Variants in SRP19 observed in about 807,000 individuals in gnomAD.
SRP19 encodes the protein signal recognition particle 19 kDa protein.
Under a neutral mutation model 22.4 loss-of-function variants are expected in SRP19, and 11 were observed. The ratio of observed to expected loss-of-function variants is 0.49; its 90% CI spans 0.31 to 0.81. The LOEUF (loss-of-function observed/expected upper bound fraction) is 0.81, where lower values mean the gene tolerates loss of function less well. SRP19 is among the 40% of genes least tolerant of loss of function. The pLI is 0.05. For synonymous variants in SRP19, 61 were observed against 57.6 expected, an observed-to-expected ratio of 1.06 and a Z score of -0.27; for missense variants, 168 against 175.9, an observed-to-expected ratio of 0.96 and a Z score of 0.25.
downstream of SRP19, chr5:112,894,595 C>T (rs1353515394): frequency 6.6e-6 from 1 of 152,168 alleles, no homozygotes; most frequent in African/African-American, 2.4e-5. Context: ...TGCAGAGCAT[C>T]ACAGGGGATG....
chr5:112,892,712 C>T (rs759009328), exon 5 of SRP19: 6 of 1,614,098 alleles, frequency 3.7e-6, no homozygotes, highest in Non-Finnish European at 5.1e-6. Context: ...TCAGATCAGA[C>T]TGGCTCCTCC....
chr5:112,886,985 A>G (rs1230526224), intron 4 of SRP19: 2 of 1,537,626 alleles, frequency 1.3e-6, no homozygotes, highest in African/African-American at 2.7e-5. Flanking sequence ...CTCCTCTCAC[A>G]TGTGGGGCCA....
chr5:112,861,532 G>C, intron 1 of SRP19, 115 bp downstream of exon 1: 1 of 1,116,718 alleles, frequency 9.0e-7, no homozygotes, highest in Non-Finnish European at 1.3e-6. Context: ...GATCCAACTC[G>C]CTCTGTACGG....
chr5:112,886,430 A>C (rs960749110), intron 4 of SRP19, among the ~76,000 whole-genome samples: 1 of 152,196 alleles, frequency 6.6e-6, no homozygotes, highest in Non-Finnish European at 1.5e-5. Flanking sequence ...ATGGCTCTTT[A>C]TCATTTCTCC....
intron 4 of SRP19, chr5:112,878,539 T>C: frequency 2.0e-6 from 1 of 499,852 alleles, no homozygotes; most frequent in Non-Finnish European, 3.5e-6. Context: ...ATACATCTTT[T>C]CCTACCCAGA....
rs768086547 is a variant in SRP19 at position 112,864,519 on chromosome 5, A to C, written c.180A>C (p.Val60=). 44 of 1,613,928 alleles carry C rather than the reference A, an allele frequency of 2.7e-5. No individual in the cohort carries two copies. In the Admixed American group the frequency reaches 6.7e-4, roughly 24 times the overall value. The change falls in exon 3 of 5, where the codon GTA becomes GTC. Residue 60 remains valine, a synonymous_variant. Coordinates refer to ENST00000505459, the MANE Select transcript of SRP19 (RefSeq NM_003135.3). ...QDVCSAVGLN[V]FLEKNKMYSR... is the part of the protein sequence containing the mutation. ...TATGTTCAGCAGTTGGACTTAACGT[A>C]TTTCTTGAGGTATGACGTGGTTCTT...
downstream of SRP19, among the ~76,000 whole-genome samples, chr5:112,872,604 GGT>G (rs1252260384): frequency 6.6e-6 from 1 of 152,080 alleles, no homozygotes; most frequent in Non-Finnish European, 1.5e-5. Flanking sequence ...GCTGGGATTA[GGT>G]GTGAGCCATT....
chr5:112,891,531 A>C, intron 4 of SRP19: 1 of 1,463,452 alleles, frequency 6.8e-7, no homozygotes, highest in Non-Finnish European at 9.3e-7. Flanking sequence ...AATACTAGAA[A>C]ACATAAAATA....
Position 112,861,435 on chromosome 5 carries a change from G to A in SRP19, c.41+18G>A, listed in dbSNP as rs41296563. Reference sequence around the variant, plus strand: ...CAGGACAGGTGGGTTCTGAGGCGGTGGGTCCTCCGAAAGGAAGGGGCTTGC... The same window carrying A: ...CAGGACAGGTGGGTTCTGAGGCGGTAGGTCCTCCGAAAGGAAGGGGCTTGC... On this transcript the variant is annotated intron_variant, in intron 1 of 4. Coordinates refer to ENST00000505459, the MANE Select transcript of SRP19 (RefSeq NM_003135.3). The A allele has an allele frequency of 0.013, 20,261 of 1,610,524 alleles. 179 individuals are homozygous for A. The highest frequency in any genetic ancestry group is 0.021 in the Middle Eastern group (120 of 5,840).
At chr5:112,874,840 A>T (rs1767859293) in intron 4 of SRP19, among the ~76,000 whole-genome samples, 1 of 148,532 alleles carries the variant, frequency 6.7e-6, no homozygotes, top group Non-Finnish European at 1.5e-5. Context: ...AAATGGCGTG[A>T]TCTCGGCTCA....
downstream of SRP19, chr5:112,897,394 C>CAA: frequency 6.6e-6 from 1 of 150,512 alleles, no homozygotes; most frequent in Non-Finnish European, 1.5e-5. Flanking sequence ...CACACACACA[C>CAA]AAATGTAAAC....
intron 1 of SRP19, among the ~76,000 whole-genome samples, chr5:112,861,849 T>G (rs1026217854): frequency 3.9e-5 from 6 of 152,232 alleles, no homozygotes; most frequent in Non-Finnish European, 8.8e-5. Context: ...CTCTGTCTAA[T>G]GTAACAGTTA....
chr5:112,889,120 A>C (rs907817615), intron 4 of SRP19, among the ~76,000 whole-genome samples: 2 of 150,774 alleles, frequency 1.3e-5, no homozygotes, highest in African/African-American at 4.9e-5. Flanking sequence ...TGGAACTGTG[A>C]GTCAATTAAA....
At chr5:112,886,972 C>T in intron 4 of SRP19, 1 of 1,449,800 alleles carries the variant, frequency 6.9e-7, no homozygotes, top group South Asian at 1.3e-5. Flanking sequence ...CAGTGTGTCA[C>T]ATCTCCTCTC....
chr5:112,884,906 T>C (rs1768195081), intron 4 of SRP19, among the ~76,000 whole-genome samples: 1 of 152,128 alleles, frequency 6.6e-6, no homozygotes, highest in Non-Finnish European at 1.5e-5. Flanking sequence ...AGGAGTATGG[T>C]CTCTTCGGTA....
At chr5:112,895,761 A>G (rs765524012), downstream of SRP19, 1 of 152,194 alleles carries the variant, frequency 6.6e-6, no homozygotes, top group Non-Finnish European at 1.5e-5. Flanking sequence ...CTGTGTAACT[A>G]TTCTACAGCC....
At chr5:112,892,646 T>G in exon 5 of SRP19, 1 of 1,614,060 alleles carries the variant, frequency 6.2e-7, no homozygotes. Flanking sequence ...TTTCTTCATG[T>G]GTTCAGAAAT....
rs1767399495 is a variant in SRP19, at chr5:112,861,546, C to A, written c.41+129C>A. 6 of 944,526 alleles carry A rather than the reference C, an allele frequency of 6.4e-6. No homozygotes were observed. The South Asian group carries it at 8.4e-5, about 13-fold the overall frequency. 58.5% of individuals were successfully genotyped at this position (944,526 alleles called of 1,614,324 possible). ...TGATCCAACTCGCTCTGTACGGGCC[C>A]CGCGCCTCTCCCTGGCAGCTCGTTT... On this transcript the variant is annotated intron_variant, in intron 1 of 4. Transcript: ENST00000505459.
At position 112,884,153 on chromosome 5, in the gene SRP19, T is replaced by A. The variant is rs1768159989; in HGVS notation, c.302-7450T>A. Among the ~76,000 whole-genome samples, 2 of 152,142 alleles carry A rather than the reference T, an allele frequency of 1.3e-5. 1 individual carries two copies. Among genetic ancestry groups the A allele is most frequent in the Admixed American group, 1.3e-4 (2 of 15,268 alleles). On this transcript the variant is annotated intron_variant, in intron 4 of 4. Transcript: ENST00000391338. Reference sequence around the variant, plus strand: ...CACAGGACAGATCATTTTGCTTCTGTGGTTAAAAGTCCCCAGTACCTCCAC... The same window carrying A: ...CACAGGACAGATCATTTTGCTTCTGAGGTTAAAAGTCCCCAGTACCTCCAC...
Sources: allele counts gnomAD v4.1 joint callset (sites outside exome capture counted in the v4.1 genomes callset), GRCh38; gene constraint gnomAD v4.1.1; transcripts MANE v1.5; gene names NCBI Gene and HGNC (gene_info 2026-07-23, HGNC 2026-07-21).